ZDHHC15: variants seen among roughly 807,000 people sequenced by gnomAD.
ZDHHC15 encodes palmitoyltransferase ZDHHC15.
A neutral mutation model predicts 31.7 loss-of-function variants in ZDHHC15; 19 were observed. The ratio of observed to expected loss-of-function variants is 0.60; its 90% confidence interval spans 0.42 to 0.88. The LOEUF is 0.88. ZDHHC15 is among the 40% of genes least tolerant of loss of function. The pLI is 0.00. For missense variants in ZDHHC15, 209 were observed against 251.2 expected, an observed-to-expected ratio of 0.83 and a Z score of 1.14; for synonymous variants, 103 against 90.0, an observed-to-expected ratio of 1.14 and a Z score of -0.82.
At chrX:75,456,598 G>A (rs2084226874) in intron 3 of ZDHHC15, among the ~76,000 whole-genome samples, 1 of 111,490 alleles carries the variant, frequency 9.0e-6, no homozygotes, top group South Asian at 3.8e-4. Context: ...TATACTGTTG[G>A]TGGGAGTGTA....
intron 4 of ZDHHC15, among the ~76,000 whole-genome samples, chrX:75,441,131 T>C (rs750555452): frequency 8.9e-6 from 1 of 112,257 alleles, no homozygotes; most frequent in African/African-American, 3.2e-5. Context: ...TTTCAGGCCC[T>C]GCCCCTCCCT....
intron 9 of ZDHHC15, 112 bp downstream of exon 9, chrX:75,421,752 G>A: frequency 1.2e-6 from 1 of 811,466 alleles, no homozygotes; most frequent in Middle Eastern, 4.4e-4. Context: ...AGAACTTGGG[G>A]AATAGAGTTT....
At chrX:75,464,968 G>A (rs2084379512) in intron 3 of ZDHHC15, among the ~76,000 whole-genome samples, 2 of 111,834 alleles carry the variant, frequency 1.8e-5, no homozygotes, top group South Asian at 7.4e-4. Flanking sequence ...AATCAGCCAA[G>A]AGAAAGAAAT....
intron 10 of ZDHHC15, among the ~76,000 whole-genome samples, chrX:75,415,181 T>C (rs1298830547): frequency 8.9e-6 from 1 of 112,015 alleles, no homozygotes; most frequent in East Asian, 2.8e-4. Flanking sequence ...TAATTTCAAC[T>C]TACAGCACCT....
At chrX:75,468,370 C>T (rs758382283) in intron 3 of ZDHHC15, among the ~76,000 whole-genome samples, 43 of 111,686 alleles carry the variant, frequency 3.9e-4, no homozygotes, top group Admixed American at 3.8e-3. Flanking sequence ...AAGGTTCATC[C>T]GTGTTGTACC....
At chrX:75,465,928 C>T (rs1362582064) in intron 3 of ZDHHC15, among the ~76,000 whole-genome samples, 1 of 111,219 alleles carries the variant, frequency 9.0e-6, no homozygotes, top group Non-Finnish European at 1.9e-5. Flanking sequence ...GCAATTGCAT[C>T]AAAAGAAAAA....
At chrX:75,515,274 A>T (rs949124006) in intron 1 of ZDHHC15, among the ~76,000 whole-genome samples, 6 of 111,159 alleles carry the variant, frequency 5.4e-5, no homozygotes, top group African/African-American at 2.0e-4. Flanking sequence ...CACAACAAAG[A>T]AAAAAAAGAG....
intron 3 of ZDHHC15, among the ~76,000 whole-genome samples, chrX:75,474,921 G>T (rs191923240): frequency 9.1e-6 from 1 of 109,489 alleles, no homozygotes; most frequent in Non-Finnish European, 1.9e-5. Context: ...TTAGCCAGGC[G>T]TGGTGGCGGG....
chrX:75,384,852 G>C (rs951255342), intron 10 of ZDHHC15: 38 of 554,857 alleles, frequency 6.8e-5, no homozygotes, highest in South Asian at 2.8e-4. Context: ...ATAAATAAAA[G>C]ACATCTGGGC....
chrX:75,505,272 T>A (rs1470669661), intron 2 of ZDHHC15, among the ~76,000 whole-genome samples: 1 of 111,846 alleles, frequency 8.9e-6, no homozygotes, highest in African/African-American at 3.2e-5. Context: ...ACTGATAAAA[T>A]AATGTAAAGC....
intron 3 of ZDHHC15, among the ~76,000 whole-genome samples, chrX:75,460,916 C>A (rs1166501426): frequency 8.9e-6 from 1 of 111,903 alleles, no homozygotes; most frequent in Non-Finnish European, 1.9e-5. Context: ...AGAGCAAGGG[C>A]ACAGAACTGG....
rs764245932 is a variant in ZDHHC15, at chrX:75,450,905, T to G, written c.276A>C (p.Thr92=). 8.3e-7 allele frequency: 1 copy of G among 1,208,617 alleles called. No individual in the cohort carries two copies. Among genetic ancestry groups the G allele is most frequent in the South Asian group, 1.8e-5 (1 of 56,715 alleles). ...QPNQKFHLSY[T]DKERYENEER... Reference sequence around the variant, plus strand: ...CTTCATTTTCATAGCGCTCCTTGTCTGTGTAGGACAAGTGGAACTGGAAGC... The same window carrying G: ...CTTCATTTTCATAGCGCTCCTTGTCGGTGTAGGACAAGTGGAACTGGAAGC... The change falls in exon 4 of 12, where the codon ACA becomes ACC. Residue 92 remains threonine, a synonymous_variant. Transcript: ENST00000373367.
intron 3 of ZDHHC15, among the ~76,000 whole-genome samples, chrX:75,471,037 C>A (rs917913869): frequency 8.9e-6 from 1 of 112,383 alleles, no homozygotes; most frequent in Non-Finnish European, 1.9e-5. Context: ...TGGAGAATTA[C>A]AGTGGATTAT....
intron 3 of ZDHHC15, among the ~76,000 whole-genome samples, chrX:75,456,105 A>C (rs1231716523): frequency 2.7e-5 from 3 of 111,700 alleles, no homozygotes; most frequent in Non-Finnish European, 3.8e-5. Flanking sequence ...AACCAACCCA[A>C]ATGTCCATCA....
chrX:75,469,695 A>C (rs1474013239), intron 3 of ZDHHC15, among the ~76,000 whole-genome samples: 1 of 111,818 alleles, frequency 8.9e-6, no homozygotes, highest in Non-Finnish European at 1.9e-5. Flanking sequence ...ATATACAGCC[A>C]TCTCTTTGAG....
chrX:75,384,550 C>G (rs1287284106), intron 10 of ZDHHC15: 1 of 828,175 alleles, frequency 1.2e-6, no homozygotes, highest in Non-Finnish European at 1.8e-6. Flanking sequence ...CAATGTTACC[C>G]AGCATACTGT....
At chrX:75,412,844 C>T (rs1374056794) in intron 10 of ZDHHC15, among the ~76,000 whole-genome samples, 1 of 111,993 alleles carries the variant, frequency 8.9e-6, no homozygotes, top group Non-Finnish European at 1.9e-5. Context: ...ACTGCATGAT[C>T]TCTCTTATGT....
At chrX:75,498,136 T>A (rs766342618) in intron 2 of ZDHHC15, among the ~76,000 whole-genome samples, 1 of 109,998 alleles carries the variant, frequency 9.1e-6, no homozygotes, top group Admixed American at 9.7e-5. Context: ...TTTTTCCATG[T>A]TGGTCAGGCG....
chrX:75,390,748 A>G (rs1317099071), intron 10 of ZDHHC15, among the ~76,000 whole-genome samples: 5 of 111,712 alleles, frequency 4.5e-5, no homozygotes, highest in Non-Finnish European at 9.4e-5. Flanking sequence ...CAGGGAGGAC[A>G]AGCACAAACA....
Sources: gnomAD v4.1 joint callset for allele counts (sites outside exome capture counted in the v4.1 genomes callset) on GRCh38, gnomAD v4.1.1 for gene constraint, MANE v1.5 for transcripts, NCBI Gene and HGNC (gene_info 2026-07-23, HGNC 2026-07-21) for gene names.